AXIN1: variants seen among roughly 807,000 people sequenced by gnomAD.
AXIN1 encodes the protein axin 1.
Under a neutral mutation model 76.4 loss-of-function variants are expected in AXIN1, and 30 were observed. The observed-to-expected ratio is 0.39, with a 90% confidence interval of 0.29 to 0.53. The LOEUF is 0.53. Ranked by LOEUF, AXIN1 falls within the 20% of genes least tolerant of loss-of-function variation. The pLI is 0.66. For missense variants in AXIN1, 1,140 were observed against 1,198.8 expected (o/e 0.95, Z 0.72); for synonymous variants, 545 against 501.4 (o/e 1.09, Z -1.16).
At chr16:303,244 C>T (rs893224591) in intron 5 of AXIN1, among the ~76,000 whole-genome samples, 2 of 152,180 alleles carry the variant, frequency 1.3e-5, no homozygotes, top group Admixed American at 1.3e-4. Flanking sequence ...CTGGGAGGAG[C>T]GCACACTGGG....
At chr16:325,046 C>T (rs1394604956) in intron 2 of AXIN1, among the ~76,000 whole-genome samples, 1 of 152,234 alleles carries the variant, frequency 6.6e-6, no homozygotes, top group South Asian at 2.1e-4. Flanking sequence ...CGTTCTGACG[C>T]GCACCAGATC....
intron 5 of AXIN1, among the ~76,000 whole-genome samples, chr16:301,567 G>A (rs573276532): frequency 1.3e-5 from 2 of 152,318 alleles, no homozygotes; most frequent in Admixed American, 1.3e-4. Flanking sequence ...GAGGTAGGAG[G>A]ATCACTTGAG....
At chr16:294,668 C>G (rs572025565) in intron 7 of AXIN1, among the ~76,000 whole-genome samples, 33 of 146,340 alleles carry the variant, frequency 2.3e-4, no homozygotes, top group Admixed American at 1.7e-3. Context: ...GACAGGAGAA[C>G]CACTTGAACC....
chr16:310,130 C>A (rs1597034170), intron 3 of AXIN1, 61 bp from the exon 4 acceptor site: 1 of 1,497,536 alleles, frequency 6.7e-7, no homozygotes, highest in South Asian at 1.2e-5. Flanking sequence ...AGCACCGTGC[C>A]AATAGAGCTC....
intron 2 of AXIN1, among the ~76,000 whole-genome samples, chr16:324,236 G>A (rs2141632224): frequency 7.2e-6 from 1 of 139,638 alleles, no homozygotes; most frequent in South Asian, 2.2e-4. Flanking sequence ...TCGGCACTGG[G>A]CACGAGGCCA....
chr16:344,018 A>G (rs115750118), intron 2 of AXIN1, among the ~76,000 whole-genome samples: 8,127 of 151,426 alleles, frequency 0.054, 582 homozygotes, highest in African/African-American at 0.16. Context: ...AAAAAAAAAA[A>G]AAAGAAAGAA....
chr16:320,896 C>T (rs548985201), intron 2 of AXIN1, among the ~76,000 whole-genome samples: 61 of 151,626 alleles, frequency 4.0e-4, no homozygotes, highest in East Asian at 1.2e-3. Flanking sequence ...CACGTCACCA[C>T]GCCCGGCTAA....
At chr16:337,965 G>C (rs551640915) in intron 2 of AXIN1, among the ~76,000 whole-genome samples, 1 of 152,202 alleles carries the variant, frequency 6.6e-6, no homozygotes, top group Non-Finnish European at 1.5e-5. Flanking sequence ...GAGCTAATGG[G>C]TTCTGAGAGA....
At chr16:304,547 T>G in intron 4 of AXIN1, 106 bp from the exon 5 acceptor site, 5 of 1,530,318 alleles carry the variant, frequency 3.3e-6, no homozygotes, top group Non-Finnish European at 4.4e-6. Flanking sequence ...TTTATTTTAT[T>G]TTTTTGAGAC....
chr16:352,027 G>C (rs1256810946), intron 1 of AXIN1, among the ~76,000 whole-genome samples: 1 of 152,124 alleles, frequency 6.6e-6, no homozygotes, highest in South Asian at 2.1e-4. Context: ...CCCGGCACGC[G>C]GCCTCGGCGA....
intron 2 of AXIN1, among the ~76,000 whole-genome samples, chr16:323,453 A>T (rs1474969233): frequency 5.4e-5 from 8 of 148,680 alleles, no homozygotes; most frequent in Admixed American, 1.3e-4. Context: ...AAAAAAAAAA[A>T]GAAAGAAAAA....
intron 2 of AXIN1, among the ~76,000 whole-genome samples, chr16:332,438 G>A (rs920622988): frequency 9.2e-5 from 14 of 151,872 alleles, no homozygotes; most frequent in South Asian, 6.2e-4. Flanking sequence ...TTAGCTGGGC[G>A]TGGTGGCGGG....
Position 310,143 on chromosome 16 carries a change from G to A in AXIN1, c.1020-74C>T, listed in dbSNP as rs143161189. On this transcript the variant is annotated intron_variant, in intron 3 of 10. Coordinates refer to ENST00000262320, the MANE Select transcript of AXIN1 (RefSeq NM_003502.4). ...CCAGCACCGTGCCAATAGAGCTCCT[G>A]GCCCCGACCGCCGGTCAGCAGGCAA... 2.2e-3 allele frequency: 3,069 copies of A among 1,397,522 alleles called. 56 individuals carry two copies. The African/African-American group carries it at 0.039, about 18-fold the overall frequency. The allele number at this position is 1,397,522 out of a possible 1,614,324, so 86.6% of individuals were successfully genotyped here.
chr16:294,005 C>T (rs1006774116), intron 7 of AXIN1, among the ~76,000 whole-genome samples: 4 of 152,114 alleles, frequency 2.6e-5, no homozygotes, highest in East Asian at 1.9e-4. Context: ...GAAACCTCAT[C>T]GCTACTAAAT....
rs141481399 is a variant in AXIN1 at position 297,904 on chromosome 16, G to C, written c.1602C>G (p.His534Gln). ...TGCTGTGGTGGACGTGGTGGTGGAC[G>C]TGTCGGTGGTGGTGCAGGCCGGCCG... ...LDAAGLHHHR[H>Q]VHHHVHHSTA... Residue 534 changes from histidine to glutamine, a missense_variant, in exon 6 of 11, where the codon CAC becomes CAG. Coordinates refer to ENST00000262320, the MANE Select transcript of AXIN1 (RefSeq NM_003502.4). 1.9e-6 allele frequency: 3 copies of C among 1,594,700 alleles called. No homozygotes were observed. The highest frequency in any genetic ancestry group is 1.7e-4 in the Middle Eastern group (1 of 5,998).
rs749770288 is a variant in AXIN1 at position 291,286 on chromosome 16, T to C, written c.2198A>G (p.Glu733Gly). 6.3e-7 allele frequency: 1 copy of C among 1,579,022 alleles called. No individual in the cohort carries two copies. The highest frequency in any genetic ancestry group is 8.6e-7 in the Non-Finnish European group (1 of 1,163,348). ...RAPSKQRYVQ[E>G]VMRRGRACVR... ...GCAGGCGCGTCCCCGCCGCATAACC[T>C]CCTGCACATACCTAGGGAACAACCC... Residue 733 changes from glutamate (E) to glycine (G), a missense_variant, in exon 9 of 11, where the codon GAG becomes GGG. Coordinates refer to ENST00000262320, the MANE Select transcript of AXIN1 (RefSeq NM_003502.4).
At chr16:289,240 A>G (rs575569687) in intron 10 of AXIN1, among the ~76,000 whole-genome samples, 200 bp downstream of exon 10, 2 of 152,108 alleles carry the variant, frequency 1.3e-5, no homozygotes, top group Non-Finnish European at 2.9e-5. Context: ...TTTCTTTAGT[A>G]TTTTTAGTAG....
intron 2 of AXIN1, among the ~76,000 whole-genome samples, chr16:319,006 A>C (rs1186513828): frequency 6.6e-6 from 1 of 150,984 alleles, no homozygotes; most frequent in Admixed American, 6.6e-5. Context: ...GCGGCCGGAG[A>C]CTTGGTGAGA....
chr16:331,927 C>A (rs12921862), intron 2 of AXIN1, among the ~76,000 whole-genome samples: 27,455 of 152,138 alleles, frequency 0.18, 2,655 homozygotes, highest in South Asian at 0.28. Flanking sequence ...AGCGCTGTTT[C>A]CAGGCCTGTG....
Sources: allele counts gnomAD v4.1 joint callset (sites outside exome capture counted in the v4.1 genomes callset), GRCh38; gene constraint gnomAD v4.1.1; transcripts MANE v1.5; gene names NCBI Gene and HGNC (gene_info 2026-07-23, HGNC 2026-07-21).